RAD51D: variants seen among roughly 807,000 people sequenced by gnomAD.
The protein encoded by RAD51D is RAD51 paralog D, also known as DNA repair protein RAD51 homolog 4.
In RAD51D, 38 loss-of-function variants were observed where a neutral mutation model predicts 44.1. The observed-to-expected ratio is 0.86, with a 90% CI of 0.67 to 1.13. The LOEUF (loss-of-function observed/expected upper bound fraction) is 1.13, where lower values mean the gene tolerates loss of function less well. Among genes scored for constraint, RAD51D ranks in the 50% most tolerant of loss-of-function variants. The pLI, the probability that RAD51D is intolerant of heterozygous loss-of-function variation, is 0.00. For synonymous variants in RAD51D, 141 were observed against 166.6 expected (o/e 0.85, Z 1.18); for missense variants, 390 against 414.0 (o/e 0.94, Z 0.50).
At position 35,096,944 on chromosome 17, in the gene RAD51D, C is replaced by A. The variant is rs957589108; in HGVS notation, c.*4009G>T. 1 of 152,128 alleles carries A rather than the reference C, an allele frequency of 6.6e-6. No homozygotes were observed. Among genetic ancestry groups the A allele is most frequent in the Non-Finnish European group, 1.5e-5 (1 of 68,026 alleles). The allele number at this position is 152,128 out of a possible 1,614,324, so 9.4% of individuals were successfully genotyped here. ...CTTGCAGCCTTAATGATACATGGAC[C>A]TTTGCCTGAGTCCTTGGGAATTCAA... On this transcript the variant is annotated 3_prime_UTR_variant, in exon 10 of 10. Coordinates refer to ENST00000345365, the MANE Select transcript of RAD51D (RefSeq NM_002878.4).
intron 5 of RAD51D, 38 bp downstream of exon 5, chr17:35,106,950 T>A (rs2142431627): frequency 6.2e-7 from 1 of 1,614,182 alleles, no homozygotes; most frequent in Non-Finnish European, 8.5e-7. Context: ...GGTTTTCCTG[T>A]GTCAGAATCT....
chr17:35,119,628 G>A lies in RAD51D; in HGVS notation c.-15C>T, dbSNP rs2091800317. 6.2e-7 allele frequency: 1 copy of A among 1,609,278 alleles called. No homozygotes were observed. ...AGCACGCCCATGTTCCCCGCAGGCC[G>A]GAACAGCCCCAGGGGGACTGCACGT... is the stretch of plus-strand genomic sequence containing the variant. On this transcript the variant is annotated 5_prime_UTR_variant, in exon 1 of 10. Transcript: ENST00000345365.
Position 35,103,568 on chromosome 17 carries a change from T to C in RAD51D, c.577-24A>G. The C allele has an allele frequency of 6.3e-7, 1 of 1,582,574 alleles. No homozygotes were observed. Among genetic ancestry groups the C allele is most frequent in the Non-Finnish European group, 8.7e-7 (1 of 1,151,440 alleles). ...ACCTGAAGGAATGTGGGGGAAGCAC[T>C]CATGAACCTGTCAGCCTCTAGGACA... is the stretch of plus-strand genomic sequence containing the variant. On this transcript the variant is annotated intron_variant, in intron 6 of 9. Transcript: ENST00000345365. The surrounding 1 kb of genome is among the most constrained non-coding windows in gnomAD (Gnocchi z 4.1).
At position 35,107,455 on chromosome 17, in the gene RAD51D, C is replaced by A. The variant is rs759532599; in HGVS notation, c.264-8G>T. ...TCAAGCAGTTTATCAAGACTGATGGCAGAAGAGAAGAAAATCAACACAAGA... is the reference window on the plus strand; with the variant it reads ...TCAAGCAGTTTATCAAGACTGATGGAAGAAGAGAAGAAAATCAACACAAGA... On this transcript the variant is annotated splice_polypyrimidine_tract_variant and splice_region_variant and intron_variant, in intron 3 of 9. Transcript: ENST00000345365. The A allele has an allele frequency of 6.5e-7, 1 of 1,530,058 alleles. No individual in the cohort carries two copies. The highest frequency in any genetic ancestry group is 9.1e-7 in the Non-Finnish European group (1 of 1,103,624). 94.8% of individuals were successfully genotyped at this position (1,530,058 alleles called of 1,614,324 possible). A position where few individuals can be genotyped will look rare whatever the true frequency, so the allele number is the denominator to read the frequency against.
chr17:35,097,926 A>G lies in RAD51D; in HGVS notation c.*3027T>C, dbSNP rs566951307. ...ACAGACACATAAGCAAAGGGAGCAA[A>G]AGGCACTTGGACAGGAGAGCCAGCC... On this transcript the variant is annotated 3_prime_UTR_variant, in exon 10 of 10. Coordinates refer to ENST00000345365, the MANE Select transcript of RAD51D (RefSeq NM_002878.4). The G allele has an allele frequency of 2.6e-5, 4 of 152,426 alleles. No homozygotes were observed. The highest frequency in any genetic ancestry group is 5.9e-5 in the Non-Finnish European group (4 of 68,164). The allele number at this position is 152,426 out of a possible 1,614,324, so 9.4% of individuals were successfully genotyped here.
chr17:35,101,078 A>C lies in RAD51D; in HGVS notation c.904-42T>G, dbSNP rs368020843. The C allele has an allele frequency of 1.7e-5, 27 of 1,594,246 alleles. No homozygotes were observed. The East Asian group carries it at 4.7e-4, about 28-fold the overall frequency. On this transcript the variant is annotated intron_variant, in intron 9 of 9. Transcript: ENST00000345365. ...GGAGTCAGTGGAGTTAAGCAACCCA[A>C]GTGGGTAGCTTCTTTAGTTGCAAGG...
rs908362058 is a variant in RAD51D, at chr17:35,097,428, T to C, written c.*3525A>G. ...CCACTGCGCCTGGCTCATATGTGTA[T>C]ATATATGTGTGTATATATATGTGTG... On this transcript the variant is annotated 3_prime_UTR_variant, in exon 10 of 10. Coordinates refer to ENST00000345365, the MANE Select transcript of RAD51D (RefSeq NM_002878.4). 6.7e-6 allele frequency: 1 copy of C among 148,568 alleles called. No homozygotes were observed. The highest frequency in any genetic ancestry group is 1.5e-5 in the Non-Finnish European group (1 of 67,068). 9.2% of individuals were successfully genotyped at this position (148,568 alleles called of 1,614,324 possible). A position where few individuals can be genotyped will look rare whatever the true frequency, so the allele number is the denominator to read the frequency against.
At position 35,100,843 on chromosome 17, in the gene RAD51D, A is replaced by T; in HGVS notation, c.*110T>A. ...CAAGATGTCTCTTCTGGCCAGCCTG[A>T]GAACGTCTGTAGTCACCAGTGCCAG... is the stretch of plus-strand genomic sequence containing the variant. On this transcript the variant is annotated 3_prime_UTR_variant, in exon 10 of 10. Transcript: ENST00000345365. The T allele has an allele frequency of 1.1e-6, 1 of 911,680 alleles. No individual in the cohort carries two copies. The highest frequency in any genetic ancestry group is 1.8e-6 in the Non-Finnish European group (1 of 549,118). 56.5% of individuals were successfully genotyped at this position (911,680 alleles called of 1,614,324 possible).
At chr17:35,109,013 C>T (rs962512953) in intron 3 of RAD51D, among the ~76,000 whole-genome samples, 3 of 151,772 alleles carry the variant, frequency 2.0e-5, no homozygotes, top group Non-Finnish European at 4.4e-5. Flanking sequence ...ATTACAGGCG[C>T]CCACCACCAC....
Position 35,093,328 on chromosome 17 carries a change from T to C in RAD51D, c.*7625A>G, listed in dbSNP as rs2142398020. ...AATGTCAAAGCTAGGACCAAGTTAG[T>C]TGAGATATAAAAAATCCTGTTCCTT... On this transcript the variant is annotated 3_prime_UTR_variant, in exon 10 of 10. Coordinates refer to ENST00000345365, the MANE Select transcript of RAD51D (RefSeq NM_002878.4). 6.6e-6 allele frequency: 1 copy of C among 152,342 alleles called. No homozygotes were observed. Among genetic ancestry groups the C allele is most frequent in the Non-Finnish European group, 1.5e-5 (1 of 68,036 alleles). 9.4% of individuals were successfully genotyped at this position (152,342 alleles called of 1,614,324 possible).
intron 2 of RAD51D, 121 bp downstream of exon 2, chr17:35,118,990 C>T (rs2142476379): frequency 2.2e-6 from 2 of 893,960 alleles, no homozygotes; most frequent in Non-Finnish European, 3.7e-6. Context: ...CTCCAAGTGA[C>T]CCACCCGCCT....
intron 1 of RAD51D, 149 bp downstream of exon 1, chr17:35,119,383 C>A: frequency 9.7e-7 from 1 of 1,032,458 alleles, no homozygotes; most frequent in Admixed American, 1.8e-5. Flanking sequence ...TCCCCACGCC[C>A]ACCCTTCCTG....
rs997221479 is a variant in RAD51D at position 35,117,347 on chromosome 17, A to G, written c.263+1154T>C. 2.6e-5 allele frequency among the ~76,000 whole-genome samples: 4 copies of G among 152,334 alleles called. No individual in the cohort carries two copies. In the South Asian group the frequency reaches 8.3e-4, roughly 32 times the overall value. ...ATGTGTTAAGGAAACAGAAAGGGCC[A>G]CACCAATCCAAAGACCTTTATGGTG... On this transcript the variant is annotated intron_variant, in intron 3 of 9. Transcript: ENST00000345365.
chr17:35,101,102 G>C (rs2142410013), intron 9 of RAD51D, 66 bp from the exon 10 acceptor site: 1 of 1,604,098 alleles, frequency 6.2e-7, no homozygotes, highest in Non-Finnish European at 8.5e-7. Context: ...TTAGTTGCAA[G>C]GTTTCAGCCT....
rs1459822432 is a variant in RAD51D at position 35,119,803 on chromosome 17, C to CCGCCGGGATT, written c.-200_-191dup. ...TGGGGGTCATCCGCCCGCCCGGGAT[C>CCGCCGGGATT]CGCCGGGATTCCCGCGCCCAGAGCC... On this transcript the variant is annotated 5_prime_UTR_variant, in exon 1 of 10. Transcript: ENST00000345365. 1.4e-6 allele frequency: 1 copy of CCGCCGGGATT among 710,376 alleles called. No homozygotes were observed. Among genetic ancestry groups the CCGCCGGGATT allele is most frequent in the East Asian group, 2.7e-5 (1 of 36,700 alleles). 44.0% of individuals were successfully genotyped at this position (710,376 alleles called of 1,614,324 possible).
intron 3 of RAD51D, among the ~76,000 whole-genome samples, chr17:35,116,353 C>T (rs2091746652): frequency 2.0e-5 from 3 of 152,320 alleles, no homozygotes; most frequent in Admixed American, 6.5e-5. Context: ...TTAAGAGCCG[C>T]GTTCTTAGAC....
chr17:35,109,553 C>T (rs2091650462), intron 3 of RAD51D, among the ~76,000 whole-genome samples: 1 of 152,200 alleles, frequency 6.6e-6, no homozygotes, highest in African/African-American at 2.4e-5. Context: ...AGTGTCTCCA[C>T]ATCTTCATCA....
At chr17:35,106,061 G>A (rs2142427650) in intron 6 of RAD51D, 2 of 489,326 alleles carry the variant, frequency 4.1e-6, no homozygotes, top group East Asian at 1.1e-4. Context: ...ATAATTAAAT[G>A]TCCTCAAGCT....
intron 1 of RAD51D, 47 bp downstream of exon 1, chr17:35,119,485 G>A (rs1431009152): frequency 6.3e-7 from 1 of 1,595,208 alleles, no homozygotes; most frequent in Non-Finnish European, 8.5e-7. Context: ...GCCTGCCCAG[G>A]TTGTGCGAGG....
Sources: allele counts gnomAD v4.1 joint callset (sites outside exome capture counted in the v4.1 genomes callset), GRCh38; gene constraint gnomAD v4.1.1; non-coding constraint Gnocchi (gnomAD v3.1); transcripts MANE v1.5; gene names NCBI Gene and HGNC (gene_info 2026-07-23, HGNC 2026-07-21).